ALK: variants seen among roughly 807,000 people sequenced by gnomAD.
ALK encodes ALK receptor tyrosine kinase.
A neutral mutation model predicts 163.1 loss-of-function variants in ALK; 74 were observed. The ratio of observed to expected loss-of-function variants is 0.45; its 90% CI spans 0.38 to 0.55. The LOEUF is 0.55. ALK is among the 20% of genes least tolerant of loss of function. The pLI, the probability that ALK is intolerant of heterozygous loss-of-function variation, is 0.00. For synonymous variants in ALK, 960 were observed against 843.2 expected, an observed-to-expected ratio of 1.14 and a Z score of -2.40; for missense variants, 2,063 against 2,105.3, an observed-to-expected ratio of 0.98 and a Z score of 0.39.
chr2:29,862,699 G>A (rs1039532076), intron 1 of ALK, among the ~76,000 whole-genome samples: 15 of 152,122 alleles, frequency 9.9e-5, no homozygotes, highest in African/African-American at 1.4e-4. Flanking sequence ...ACTACCCAAA[G>A]TGATCTACAG....
intron 3 of ALK, among the ~76,000 whole-genome samples, chr2:29,610,655 T>G (rs1675666004): frequency 6.6e-6 from 1 of 152,180 alleles, no homozygotes; most frequent in Non-Finnish European, 1.5e-5. Flanking sequence ...GACAAGATCA[T>G]AGCTCTACAA....
At chr2:29,815,207 G>C (rs1664865888) in intron 1 of ALK, among the ~76,000 whole-genome samples, 1 of 151,510 alleles carries the variant, frequency 6.6e-6, no homozygotes, top group Admixed American at 6.6e-5. Context: ...GGCTTTCTTA[G>C]GCTTTGTCTT....
intron 5 of ALK, among the ~76,000 whole-genome samples, chr2:29,346,712 A>C (rs767436951): frequency 1.3e-5 from 2 of 152,260 alleles, no homozygotes; most frequent in African/African-American, 4.8e-5. Context: ...GACACAATGC[A>C]GAAGAGTTTG....
intron 4 of ALK, among the ~76,000 whole-genome samples, chr2:29,529,607 G>A (rs1323773249): frequency 6.6e-6 from 1 of 152,190 alleles, no homozygotes; most frequent in East Asian, 1.9e-4. Flanking sequence ...TGATTTGCTG[G>A]GCAAATGCCC....
intron 3 of ALK, among the ~76,000 whole-genome samples, chr2:29,556,014 G>C (rs902061168): frequency 6.6e-6 from 1 of 152,192 alleles, no homozygotes; most frequent in African/African-American, 2.4e-5. Context: ...ACATTCAAGA[G>C]GCTGGATTTG....
At chr2:29,208,048 G>T in intron 25 of ALK, 1 of 453,132 alleles carries the variant, frequency 2.2e-6, no homozygotes, top group Non-Finnish European at 4.4e-6. Context: ...CAGGTACTCT[G>T]CCATGTGCTG....
At chr2:29,871,009 C>T (rs545898292) in intron 1 of ALK, among the ~76,000 whole-genome samples, 9 of 152,298 alleles carry the variant, frequency 5.9e-5, no homozygotes, top group African/African-American at 2.2e-4. Flanking sequence ...GACTGTTTTA[C>T]GCATCAGCCC....
At chr2:29,264,531 A>G (rs1265776463) in intron 11 of ALK, among the ~76,000 whole-genome samples, 1 of 152,032 alleles carries the variant, frequency 6.6e-6, no homozygotes, top group Non-Finnish European at 1.5e-5. Flanking sequence ...CATATACTCC[A>G]TAAGAGTAGG....
At chr2:29,586,769 A>T (rs552616695) in intron 3 of ALK, among the ~76,000 whole-genome samples, 213 of 152,250 alleles carry the variant, frequency 1.4e-3, no homozygotes, top group Non-Finnish European at 2.6e-3. Flanking sequence ...AACACTTTCA[A>T]CATCCAGGAA....
chr2:29,393,177 G>A lies in ALK; in HGVS notation c.1155-9318C>T, dbSNP rs114963399. Among the ~76,000 whole-genome samples, 697 of 152,234 alleles carry A rather than the reference G, an allele frequency of 4.6e-3. 4 individuals carry two copies. The highest frequency in any genetic ancestry group is 0.016 in the African/African-American group (673 of 41,522). ...CAGTTATGCTTATTCTGTCAGACTCGGAACATGATACCCAAAAGTATGGCC... is the reference window on the plus strand; with the variant it reads ...CAGTTATGCTTATTCTGTCAGACTCAGAACATGATACCCAAAAGTATGGCC... On this transcript the variant is annotated intron_variant, in intron 4 of 28. Coordinates refer to ENST00000389048, the MANE Select transcript of ALK (RefSeq NM_004304.5).
intron 4 of ALK, among the ~76,000 whole-genome samples, chr2:29,439,158 C>G (rs886348259): frequency 1.3e-5 from 2 of 152,216 alleles, no homozygotes; most frequent in Non-Finnish European, 2.9e-5. Context: ...AGAAAAGGCA[C>G]AGTCTCTTCT....
chr2:29,837,504 G>T (rs80234313), intron 1 of ALK, among the ~76,000 whole-genome samples: 1,957 of 152,252 alleles, frequency 0.013, 49 homozygotes, highest in African/African-American at 0.045. Context: ...AAAGATAATT[G>T]CTCCCATAAC....
intron 2 of ALK, among the ~76,000 whole-genome samples, chr2:29,713,477 A>G (rs1679164492): frequency 6.6e-6 from 1 of 152,184 alleles, no homozygotes; most frequent in Non-Finnish European, 1.5e-5. Flanking sequence ...TGCCTGGGAT[A>G]GTCTCCATTT....
intron 3 of ALK, among the ~76,000 whole-genome samples, chr2:29,692,427 GAAGA>G (rs1678426438): frequency 6.6e-6 from 1 of 152,190 alleles, no homozygotes; most frequent in African/African-American, 2.4e-5. Flanking sequence ...TAGTTTCTTG[GAAGA>G]CAATTTTTCC....
At chr2:29,907,720 C>T (rs1394852219) in intron 1 of ALK, among the ~76,000 whole-genome samples, 1 of 152,016 alleles carries the variant, frequency 6.6e-6, no homozygotes, top group Non-Finnish European at 1.5e-5. Context: ...ATTAAATTAC[C>T]ACGTGCATGT....
At chr2:29,305,189 C>A (rs1666470182) in intron 8 of ALK, among the ~76,000 whole-genome samples, 1 of 152,174 alleles carries the variant, frequency 6.6e-6, no homozygotes, top group Non-Finnish European at 1.5e-5. Context: ...ATGTGCCCAC[C>A]ATCACCAAGG....
At chr2:29,331,133 C>G (rs1667425931) in intron 5 of ALK, among the ~76,000 whole-genome samples, 1 of 152,096 alleles carries the variant, frequency 6.6e-6, no homozygotes, top group Non-Finnish European at 1.5e-5. Flanking sequence ...TGTGACTAGA[C>G]CTTTGTGGTC....
chr2:29,763,179 G>A (rs754128259), intron 1 of ALK, among the ~76,000 whole-genome samples: 2 of 151,714 alleles, frequency 1.3e-5, no homozygotes, highest in Non-Finnish European at 1.5e-5. Flanking sequence ...GACATTGGTC[G>A]AGTTGTAAAC....
At chr2:29,241,944 T>G (rs1055200977) in intron 12 of ALK, among the ~76,000 whole-genome samples, 3 of 152,136 alleles carry the variant, frequency 2.0e-5, no homozygotes, top group Non-Finnish European at 4.4e-5. Flanking sequence ...CTCCCCAATG[T>G]GCTGCTGGGA....
Sources: gnomAD v4.1 joint callset for allele counts (sites outside exome capture counted in the v4.1 genomes callset) on GRCh38, gnomAD v4.1.1 for gene constraint, MANE v1.5 for transcripts, NCBI Gene and HGNC (gene_info 2026-07-23, HGNC 2026-07-21) for gene names.